ABCC4: variants seen among roughly 807,000 people sequenced by gnomAD.
ABCC4 encodes the protein ATP binding cassette subfamily C member 4 (PEL blood group).
A neutral mutation model predicts 168.5 loss-of-function variants in ABCC4; 102 were observed. The observed-to-expected ratio is 0.61, with a 90% CI of 0.52 to 0.71. ABCC4 has a LOEUF of 0.71. Among genes scored for constraint, ABCC4 ranks in the 30% least tolerant of loss-of-function variants. The probability of loss-of-function intolerance (pLI) is 0.00; values close to 1 mark genes in which losing one functional copy is unlikely to be tolerated. For missense variants in ABCC4, 1,402 were observed against 1,605.8 expected, an observed-to-expected ratio of 0.87 and a Z score of 2.17; for synonymous variants, 617 against 590.7, an observed-to-expected ratio of 1.04 and a Z score of -0.65.
At chr13:95,117,290 G>C (rs2035412765) in intron 19 of ABCC4, among the ~76,000 whole-genome samples, 2 of 151,640 alleles carry the variant, frequency 1.3e-5, no homozygotes, top group Non-Finnish European at 1.5e-5. Context: ...CACAACGCCA[G>C]GTACTTTTTC....
intron 28 of ABCC4, 126 bp downstream of exon 28, chr13:95,044,140 A>C: frequency 3.0e-6 from 3 of 992,710 alleles, no homozygotes; most frequent in Non-Finnish European, 4.2e-6. Flanking sequence ...GAATGAATTT[A>C]TCCATGTTAA....
chr13:95,289,525 C>A (rs539059811), intron 1 of ABCC4, among the ~76,000 whole-genome samples: 4 of 152,096 alleles, frequency 2.6e-5, no homozygotes, highest in Non-Finnish European at 1.5e-5. Flanking sequence ...CTATAAAAAT[C>A]GAAGAACCCG....
intron 29 of ABCC4, among the ~76,000 whole-genome samples, chr13:95,040,885 C>A (rs2032328031): frequency 6.6e-6 from 1 of 152,176 alleles, no homozygotes; most frequent in African/African-American, 2.4e-5. Flanking sequence ...ATTTCTCAGG[C>A]CTGGTTTTGC....
intron 6 of ABCC4, 34 bp downstream of exon 6, chr13:95,209,400 C>T: frequency 6.2e-7 from 1 of 1,606,188 alleles, no homozygotes; most frequent in Non-Finnish European, 8.5e-7. Context: ...TTACCAAATA[C>T]ATATGACATT....
intron 27 of ABCC4, among the ~76,000 whole-genome samples, chr13:95,047,676 G>T (rs1408623844): frequency 6.6e-6 from 1 of 151,652 alleles, no homozygotes; most frequent in East Asian, 1.9e-4. Context: ...GTATAGATGG[G>T]GTTTCACCAT....
At chr13:95,144,995 T>C (rs1231162928) in intron 19 of ABCC4, among the ~76,000 whole-genome samples, 1 of 149,936 alleles carries the variant, frequency 6.7e-6, no homozygotes, top group Non-Finnish European at 1.5e-5. Flanking sequence ...ACAACTCCAG[T>C]AAAAAAAATG....
chr13:95,249,683 C>G (rs1459030914), intron 1 of ABCC4, among the ~76,000 whole-genome samples: 1 of 152,162 alleles, frequency 6.6e-6, no homozygotes, highest in Non-Finnish European at 1.5e-5. Flanking sequence ...CTGAGATGAC[C>G]TCTGCATGCC....
intron 1 of ABCC4, among the ~76,000 whole-genome samples, chr13:95,297,405 G>A (rs188077547): frequency 2.0e-5 from 3 of 152,154 alleles, no homozygotes; most frequent in Admixed American, 1.3e-4. Flanking sequence ...CCAAAATCCC[G>A]GGAAAATACT....
At chr13:95,102,337 G>C (rs1382415208) in intron 20 of ABCC4, among the ~76,000 whole-genome samples, 1 of 152,010 alleles carries the variant, frequency 6.6e-6, no homozygotes, top group Non-Finnish European at 1.5e-5. Flanking sequence ...GTAGAGACAG[G>C]GTCTCACCAT....
chr13:95,246,876 C>A (rs1471350055), intron 3 of ABCC4, 99 bp downstream of exon 3: 1 of 1,395,590 alleles, frequency 7.2e-7, no homozygotes, highest in South Asian at 1.4e-5. Flanking sequence ...CTGGCCACTT[C>A]TCCCTTCTGT....
intron 11 of ABCC4, among the ~76,000 whole-genome samples, chr13:95,180,944 C>T (rs888203448): frequency 1.2e-4 from 19 of 152,146 alleles, no homozygotes; most frequent in African/African-American, 4.6e-4. Context: ...TATGGACACG[C>T]CTCAGACAGG....
chr13:95,130,684 A>T (rs2139449973), intron 19 of ABCC4, among the ~76,000 whole-genome samples: 1 of 152,262 alleles, frequency 6.6e-6, no homozygotes, highest in East Asian at 1.9e-4. Flanking sequence ...CAATAAAGTC[A>T]TTAAAAATAG....
chr13:95,206,263 T>G (rs2038775916), intron 8 of ABCC4, among the ~76,000 whole-genome samples: 1 of 152,214 alleles, frequency 6.6e-6, no homozygotes, highest in African/African-American at 2.4e-5. Context: ...TTAGACATTT[T>G]AATCACCCCT....
rs530815301 is a variant in ABCC4 at position 95,074,915 on chromosome 13, A to G, written c.2806+517T>C. 77 of 153,788 alleles carry G rather than the reference A, an allele frequency of 5.0e-4. 1 individual carries two copies. Among genetic ancestry groups the G allele is most frequent in the Admixed American group, 9.6e-4 (15 of 15,590 alleles). 9.5% of individuals were successfully genotyped at this position (153,788 alleles called of 1,614,324 possible). ...TTGGAATGACGGATCTGAATTTTGT[A>G]GATTTGGTGGAAATTCTGAAATTTC... On this transcript the variant is annotated intron_variant, in intron 22 of 30. Coordinates refer to ENST00000645237, the MANE Select transcript of ABCC4 (RefSeq NM_005845.5).
At position 95,295,538 on chromosome 13, in the gene ABCC4, G is replaced by A. The variant is rs538451726; in HGVS notation, c.74+5703C>T. Among the ~76,000 whole-genome samples, 7 of 152,062 alleles carry A rather than the reference G, an allele frequency of 4.6e-5. No homozygotes were observed. The South Asian group carries it at 1.5e-3, about 32-fold the overall frequency. ...CTGGATGCAGTGGCGTGCGCTTGTA[G>A]TCCCAGCTACTCAGGAGGCTGAGAC... On this transcript the variant is annotated intron_variant, in intron 1 of 30. Transcript: ENST00000645237.
At chr13:95,301,171 G>T in intron 1 of ABCC4, 70 bp downstream of exon 1, 1 of 1,426,742 alleles carries the variant, frequency 7.0e-7, no homozygotes. Flanking sequence ...AGCATCGGGC[G>T]CGGCCCCGGG....
chr13:95,138,131 C>T (rs2036198695), intron 19 of ABCC4, among the ~76,000 whole-genome samples: 1 of 152,172 alleles, frequency 6.6e-6, no homozygotes, highest in Admixed American at 6.5e-5. Flanking sequence ...CCTTTCCACA[C>T]ACAAGCACGT....
chr13:95,067,698 C>T (rs767827267), intron 25 of ABCC4, among the ~76,000 whole-genome samples: 8 of 151,840 alleles, frequency 5.3e-5, no homozygotes, highest in Non-Finnish European at 1.0e-4. Flanking sequence ...TCTCAGCAAA[C>T]ATTAATGTAA....
intron 4 of ABCC4, among the ~76,000 whole-genome samples, chr13:95,213,942 G>A (rs2039035793): frequency 6.6e-6 from 1 of 151,996 alleles, no homozygotes; most frequent in African/African-American, 2.4e-5. Context: ...AATCAAAGGA[G>A]GGAAATGGCA....
Sources: gnomAD v4.1 joint callset for allele counts (sites outside exome capture counted in the v4.1 genomes callset) on GRCh38, gnomAD v4.1.1 for gene constraint, MANE v1.5 for transcripts, NCBI Gene and HGNC (gene_info 2026-07-23, HGNC 2026-07-21) for gene names.